CDH1: variants seen among roughly 807,000 people sequenced by gnomAD.
CDH1 encodes cadherin 1, also known as cadherin-1.
Under a neutral mutation model 84.5 loss-of-function variants are expected in CDH1, and 35 were observed. That is an observed-to-expected ratio of 0.41 (90% confidence interval 0.32 to 0.55). The LOEUF is 0.55. Ranked by LOEUF, CDH1 falls within the 20% of genes least tolerant of loss-of-function variation. The pLI, the probability that CDH1 is intolerant of heterozygous loss-of-function variation, is 0.19. For missense variants in CDH1, 994 were observed against 1,126.6 expected (o/e 0.88, Z 1.68); for synonymous variants, 417 against 439.0 (o/e 0.95, Z 0.63).
intron 10 of CDH1, among the ~76,000 whole-genome samples, chr16:68,818,345 G>T (rs1254889358): frequency 6.6e-6 from 1 of 151,706 alleles, no homozygotes; most frequent in Non-Finnish European, 1.5e-5. Context: ...TATAAGTAAA[G>T]GAACATGACT....
chr16:68,831,069 C>CTTTTTTTTTTT (rs1157074539), intron 15 of CDH1, among the ~76,000 whole-genome samples: 1 of 80,268 alleles, frequency 1.2e-5, no homozygotes, highest in Non-Finnish European at 2.5e-5. Context: ...CTTTAGCTTT[C>CTTTTTTTTTTT]TTTTTTTTTT....
rs747759474 is a variant in CDH1, at chr16:68,811,890, G to C, written c.1008+31G>C. 4 of 1,611,420 alleles carry C rather than the reference G, an allele frequency of 2.5e-6. No individual in the cohort carries two copies. In the African/African-American group the frequency reaches 4.0e-5, roughly 16 times the overall value. On this transcript the variant is annotated intron_variant, in intron 7 of 15. Coordinates refer to ENST00000261769, the MANE Select transcript of CDH1 (RefSeq NM_004360.5). ...GGGTCAGGAGGATCCAGAGGGTGTGGAGGACAAATGTGTATTAGCTCAATC... is the reference window on the plus strand; with the variant it reads ...GGGTCAGGAGGATCCAGAGGGTGTGCAGGACAAATGTGTATTAGCTCAATC...
At chr16:68,792,718 A>T (rs1960241936) in intron 2 of CDH1, among the ~76,000 whole-genome samples, 1 of 152,218 alleles carries the variant, frequency 6.6e-6, no homozygotes, top group African/African-American at 2.4e-5. Context: ...AAAGGGAAAA[A>T]GTCAAGGGCG....
chr16:68,783,419 AG>A lies in CDH1; in HGVS notation c.164-18250del, dbSNP rs1346513600. On this transcript the variant is annotated intron_variant, in intron 2 of 15. Coordinates refer to ENST00000261769, the MANE Select transcript of CDH1 (RefSeq NM_004360.5). ...AAAAAAAAAAAGAAAAAAGAAAAAAAGAAAAAAAAGTTTGTTTATGTGAACA... is the reference window on the plus strand; with the variant it reads ...AAAAAAAAAAAGAAAAAAGAAAAAAAAAAAAAAAGTTTGTTTATGTGAACA... Among the ~76,000 whole-genome samples, 1,263 of 151,254 alleles carry A rather than the reference AG, an allele frequency of 8.4e-3. 21 individuals are homozygous for A. Among genetic ancestry groups the A allele is most frequent in the African/African-American group, 0.029 (1,186 of 41,098 alleles).
intron 2 of CDH1, among the ~76,000 whole-genome samples, chr16:68,792,474 C>G (rs1319276249): frequency 6.6e-6 from 1 of 152,150 alleles, no homozygotes; most frequent in Non-Finnish European, 1.5e-5. Flanking sequence ...AAGTGTTCCA[C>G]CCACCTCCCA....
Position 68,815,497 on chromosome 16 carries a change from A to G in CDH1, c.1321-18A>G, listed in dbSNP as rs1567508765. 6.2e-7 allele frequency: 1 copy of G among 1,614,048 alleles called. No homozygotes were observed. Reference sequence around the variant, plus strand: ...AATGTTTCGTTTTGTTTTTAACTTCATTGTTTCTGCTCTCTAGGGCTTGGA... The same window carrying G: ...AATGTTTCGTTTTGTTTTTAACTTCGTTGTTTCTGCTCTCTAGGGCTTGGA... On this transcript the variant is annotated intron_variant, in intron 9 of 15. Coordinates refer to ENST00000261769, the MANE Select transcript of CDH1 (RefSeq NM_004360.5).
chr16:68,773,691 A>G (rs1959648145), intron 2 of CDH1, among the ~76,000 whole-genome samples: 1 of 152,188 alleles, frequency 6.6e-6, no homozygotes, highest in African/African-American at 2.4e-5. Context: ...ATTATCTCCA[A>G]TTTGCAGTAA....
At chr16:68,745,911 GGCT>G (rs1417424949) in intron 2 of CDH1, among the ~76,000 whole-genome samples, 4 of 152,088 alleles carry the variant, frequency 2.6e-5, no homozygotes, top group Non-Finnish European at 5.9e-5. Context: ...TCCGCCTCCT[GGCT>G]TCAAGCAATT....
intron 2 of CDH1, among the ~76,000 whole-genome samples, chr16:68,759,266 G>A (rs1447268946): frequency 4.6e-5 from 7 of 152,030 alleles, no homozygotes; most frequent in Non-Finnish European, 1.0e-4. Context: ...GGGAGGCCAA[G>A]GCAGGAGAAT....
At chr16:68,804,996 ATTTTTTTTTTTTT>A (rs71148951) in intron 3 of CDH1, among the ~76,000 whole-genome samples, 1 of 89,698 alleles carries the variant, frequency 1.1e-5, no homozygotes, top group African/African-American at 4.8e-5. Flanking sequence ...TGCCCAGCTA[ATTTTTTTTTTTTT>A]TTTTTTTTTT....
At chr16:68,745,963 A>G (rs565706190) in intron 2 of CDH1, among the ~76,000 whole-genome samples, 2 of 152,236 alleles carry the variant, frequency 1.3e-5, no homozygotes, top group Non-Finnish European at 2.9e-5. Flanking sequence ...GATTACAGGC[A>G]TGCACCACTA....
intron 12 of CDH1, chr16:68,823,166 G>A: frequency 1.9e-6 from 1 of 516,316 alleles, no homozygotes; most frequent in Non-Finnish European, 3.5e-6. Context: ...CAGCCACTAG[G>A]CAGCTTTTTT....
At chr16:68,745,728 A>T (rs947117380) in intron 2 of CDH1, among the ~76,000 whole-genome samples, 6 of 151,574 alleles carry the variant, frequency 4.0e-5, no homozygotes, top group Non-Finnish European at 7.4e-5. Flanking sequence ...GCTAAAAATC[A>T]AATCACCTAG....
At chr16:68,791,845 G>A (rs1960217270) in intron 2 of CDH1, among the ~76,000 whole-genome samples, 2 of 152,130 alleles carry the variant, frequency 1.3e-5, no homozygotes, top group African/African-American at 4.8e-5. Flanking sequence ...GAGAGTAAGG[G>A]CTCGCTAAAG....
At position 68,778,946 on chromosome 16, in the gene CDH1, T is replaced by C. The variant is rs377249418; in HGVS notation, c.164-22724T>C. Among the ~76,000 whole-genome samples, 31 of 152,290 alleles carry C rather than the reference T, an allele frequency of 2.0e-4. 1 individual carries two copies. Among genetic ancestry groups the C allele is most frequent in the African/African-American group, 7.5e-4 (31 of 41,556 alleles). On this transcript the variant is annotated intron_variant, in intron 2 of 15. Transcript: ENST00000261769. ...TCATGTCAGAAGGCAGGAAGTTCTC[T>C]GGGAATTCACACCAGAGGTTTTGCC... is the stretch of plus-strand genomic sequence containing the variant.
chr16:68,829,205 T>C (rs1210537309), intron 14 of CDH1, among the ~76,000 whole-genome samples: 1 of 152,190 alleles, frequency 6.6e-6, no homozygotes, highest in Non-Finnish European at 1.5e-5. Flanking sequence ...TGTGTCCAGG[T>C]CTGTTCCATG....
chr16:68,771,104 T>C (rs965218430), intron 2 of CDH1: 2 of 152,244 alleles, frequency 1.3e-5, no homozygotes, highest in Non-Finnish European at 2.9e-5. Flanking sequence ...AAGTGCGGGC[T>C]GGTGTGTGAG....
chr16:68,799,465 C>T (rs896876208), intron 2 of CDH1, among the ~76,000 whole-genome samples: 1 of 152,192 alleles, frequency 6.6e-6, no homozygotes, highest in African/African-American at 2.4e-5. Context: ...AGACTCCTAG[C>T]TATTGCATGG....
rs190054773 is a variant in CDH1, at chr16:68,829,278, T to C, written c.2296-376T>C. Among the ~76,000 whole-genome samples the C allele has an allele frequency of 1.3e-3, 204 of 152,316 alleles. 1 individual carries two copies. The highest frequency in any genetic ancestry group is 4.7e-3 in the African/African-American group (194 of 41,576). On this transcript the variant is annotated intron_variant, in intron 14 of 15. Transcript: ENST00000261769. The stretch of plus-strand genomic sequence containing the variant: ...GACCTTTGCCTGTGTCATATGTTAC[T>C]GTCCCATTGGCTAAGCAAGTCACAC...
Sources: allele counts gnomAD v4.1 joint callset (sites outside exome capture counted in the v4.1 genomes callset), GRCh38; gene constraint gnomAD v4.1.1; transcripts MANE v1.5; gene names NCBI Gene and HGNC (gene_info 2026-07-23, HGNC 2026-07-21).